The following EYS variants were observed in gnomAD, a reference collection of about 807,000 sequenced individuals.
EYS encodes the protein EGF-like photoreceptor maintenance factor.
EYS carries 250 observed loss-of-function variants against 282.1 expected under a neutral mutation model. The observed-to-expected ratio is 0.89, with a 90% CI of 0.80 to 0.98. EYS has a LOEUF of 0.98. Ranked by LOEUF, EYS falls within the 50% of genes least tolerant of loss-of-function variation. The pLI is 0.00. For missense variants in EYS, 4,016 were observed against 3,709.0 expected (o/e 1.08, Z -2.15); for synonymous variants, 1,355 against 1,282.9 (o/e 1.06, Z -1.20).
intron 28 of EYS, among the ~76,000 whole-genome samples, chr6:64,434,352 GC>G (rs1196919642): frequency 6.6e-6 from 1 of 152,032 alleles, no homozygotes; most frequent in Non-Finnish European, 1.5e-5. Flanking sequence ...TGTTATGGCA[GC>G]CCAGCATCCT....
At position 65,426,492 on chromosome 6, in the gene EYS, T is replaced by C. The variant is rs73445178; in HGVS notation, c.863-21125A>G. On this transcript the variant is annotated intron_variant, in intron 5 of 42. Transcript: ENST00000503581. ...TTGTCCCACTTTGGATAAGAGGCAATGTGGTAAAATGTCTGCTAGACCTAA... is the reference window on the plus strand; with the variant it reads ...TTGTCCCACTTTGGATAAGAGGCAACGTGGTAAAATGTCTGCTAGACCTAA... Among the ~76,000 whole-genome samples, 531 of 152,238 alleles carry C rather than the reference T, an allele frequency of 3.5e-3. 4 individuals carry two copies. Among genetic ancestry groups the C allele is most frequent in the African/African-American group, 0.012 (506 of 41,556 alleles).
intron 22 of EYS, among the ~76,000 whole-genome samples, chr6:64,672,620 C>T (rs973784978): frequency 6.6e-6 from 1 of 152,162 alleles, no homozygotes; most frequent in East Asian, 1.9e-4. Flanking sequence ...TATTCTCTCA[C>T]TATTCCCTTT....
At position 63,740,076 on chromosome 6, in the gene EYS, A is replaced by G. The variant is rs184565324; in HGVS notation, c.8072-13396T>C. Among the ~76,000 whole-genome samples, 27 of 152,274 alleles carry G rather than the reference A, an allele frequency of 1.8e-4. No homozygotes were observed. In the East Asian group the frequency reaches 3.9e-3, roughly 22 times the overall value. ...CACTTTTGGAACCACAAAAATTCCA[A>G]AAAGATAATGTGTATAACGAAGTGT... On this transcript the variant is annotated intron_variant, in intron 41 of 42. Coordinates refer to ENST00000503581, the MANE Select transcript of EYS (RefSeq NM_001142800.2).
intron 22 of EYS, among the ~76,000 whole-genome samples, chr6:64,762,638 T>C (rs145229435): frequency 6.6e-6 from 1 of 152,304 alleles, no homozygotes; most frequent in East Asian, 1.9e-4. Flanking sequence ...AAACTATTTA[T>C]GATGTATTTT....
chr6:65,666,999 A>G (rs1450609815), intron 1 of EYS, among the ~76,000 whole-genome samples: 1 of 151,828 alleles, frequency 6.6e-6, no homozygotes, highest in Non-Finnish European at 1.5e-5. Context: ...AATTCCATCA[A>G]TACATATGCC....
At chr6:65,120,151 C>CAAAAAAAAAAAAAAAAAAAAA (rs1170415166) in intron 12 of EYS, among the ~76,000 whole-genome samples, 1 of 62,582 alleles carries the variant, frequency 1.6e-5, no homozygotes, top group Non-Finnish European at 3.1e-5. Flanking sequence ...GACTCCGTCT[C>CAAAAAAAAAAAAAAAAAAAAA]AAAAAAAAAA....
chr6:64,021,157 G>GAA lies in EYS; in HGVS notation c.6726-21976_6726-21975dup, dbSNP rs66796703. Among the ~76,000 whole-genome samples the GAA allele has an allele frequency of 5.2e-3, 757 of 145,692 alleles. 4 individuals are homozygous for GAA. The highest frequency in any genetic ancestry group is 0.025 in the Middle Eastern group (7 of 278). The stretch of plus-strand genomic sequence containing the variant: ...TTCCTTGCAGTGATAGTTTTCAAGG[G>GAA]AAAAAAAAAAAGCCTTTTCTTTATT... On this transcript the variant is annotated intron_variant, in intron 33 of 42. Transcript: ENST00000503581.
chr6:64,096,534 T>C (rs1772621972), intron 31 of EYS, among the ~76,000 whole-genome samples: 1 of 152,254 alleles, frequency 6.6e-6, no homozygotes. Flanking sequence ...TTCTTCCAGT[T>C]GATCGAATCA....
chr6:64,746,850 T>C (rs536348261), intron 22 of EYS, among the ~76,000 whole-genome samples: 1 of 152,364 alleles, frequency 6.6e-6, no homozygotes, highest in East Asian at 1.9e-4. Context: ...TAAATATACA[T>C]GCAATTTTAT....
intron 2 of EYS, among the ~76,000 whole-genome samples, chr6:65,537,694 T>C (rs1265984163): frequency 6.6e-6 from 1 of 152,170 alleles, no homozygotes; most frequent in Non-Finnish European, 1.5e-5. Context: ...AAGATGATTG[T>C]CTCTGATAAA....
rs529400632 is a variant in EYS, at chr6:65,610,282, T to C, written c.-333+29496A>G. On this transcript the variant is annotated intron_variant, in intron 2 of 42. Transcript: ENST00000503581. ...TATTGTGTTGTTCTTTTTTTCCCCC[T>C]TTTTTAACTATTCTTAACATATCAG... is the stretch of plus-strand genomic sequence containing the variant. Among the ~76,000 whole-genome samples the C allele has an allele frequency of 7.3e-3, 1,105 of 152,064 alleles. 11 individuals carry two copies. The highest frequency in any genetic ancestry group is 0.024 in the African/African-American group (979 of 41,504).
At chr6:65,170,968 C>G (rs1765091407) in intron 12 of EYS, among the ~76,000 whole-genome samples, 1 of 151,496 alleles carries the variant, frequency 6.6e-6, no homozygotes, top group Non-Finnish European at 1.5e-5. Context: ...AGTGGCAACT[C>G]TCTCCCTTGA....
chr6:64,226,985 C>T (rs983676400), intron 31 of EYS, among the ~76,000 whole-genome samples: 1 of 151,954 alleles, frequency 6.6e-6, no homozygotes, highest in African/African-American at 2.4e-5. Flanking sequence ...CATTCTTTCA[C>T]AGGTTAAGAA....
intron 31 of EYS, among the ~76,000 whole-genome samples, chr6:64,126,288 A>G (rs1011822847): frequency 2.8e-5 from 4 of 142,060 alleles, no homozygotes; most frequent in Non-Finnish European, 6.2e-5. Flanking sequence ...ACAATAGCGA[A>G]GACTTGGAAC....
intron 12 of EYS, among the ~76,000 whole-genome samples, chr6:65,085,505 T>C (rs1033651294): frequency 3.9e-5 from 6 of 152,194 alleles, no homozygotes; most frequent in Admixed American, 1.3e-4. Flanking sequence ...ACTTGCTTTG[T>C]GTGTGATCTT....
intron 26 of EYS, among the ~76,000 whole-genome samples, chr6:64,561,756 C>T (rs1030945358): frequency 2.6e-5 from 4 of 151,818 alleles, no homozygotes; most frequent in Non-Finnish European, 5.9e-5. Flanking sequence ...CTACCCAAAG[C>T]AATTTACAGA....
intron 2 of EYS, among the ~76,000 whole-genome samples, chr6:65,543,399 A>C (rs1336311480): frequency 6.8e-6 from 1 of 148,038 alleles, no homozygotes; most frequent in East Asian, 1.9e-4. Context: ...ATATATGTAA[A>C]TATATAATAT....
chr6:64,491,408 G>A lies in EYS; in HGVS notation c.5645-52056C>T, dbSNP rs774230326. On this transcript the variant is annotated intron_variant, in intron 26 of 42. Transcript: ENST00000503581. Reference sequence around the variant, plus strand: ...ATTTTTCAAATTATTATCTCCTTGAGTATCAGGCAAGTTTCAATTCTAATA... The same window carrying A: ...ATTTTTCAAATTATTATCTCCTTGAATATCAGGCAAGTTTCAATTCTAATA... Among the ~76,000 whole-genome samples the A allele has an allele frequency of 9.3e-5, 14 of 150,678 alleles. 1 individual carries two copies.
chr6:64,850,290 T>C (rs1177760108), intron 19 of EYS, among the ~76,000 whole-genome samples: 1 of 152,110 alleles, frequency 6.6e-6, no homozygotes, highest in East Asian at 1.9e-4. Flanking sequence ...CCCCAGCCTT[T>C]GAAGTCAAAC....
Sources: allele counts gnomAD v4.1 joint callset (sites outside exome capture counted in the v4.1 genomes callset), GRCh38; gene constraint gnomAD v4.1.1; transcripts MANE v1.5; gene names NCBI Gene and HGNC (gene_info 2026-07-23, HGNC 2026-07-21).